The following CFAP54 variants were observed in gnomAD, a reference collection of about 807,000 sequenced individuals.
CFAP54 encodes the protein cilia- and flagella-associated protein 54.
In CFAP54, 290 loss-of-function variants were observed where a neutral mutation model predicts 370.4. The ratio of observed to expected loss-of-function variants is 0.78; its 90% CI spans 0.71 to 0.86. The LOEUF (loss-of-function observed/expected upper bound fraction) is 0.86. CFAP54 is among the 40% of genes least tolerant of loss of function. The pLI is 0.00. For missense variants in CFAP54, 3,399 were observed against 3,528.7 expected, an observed-to-expected ratio of 0.96 and a Z score of 0.93; for synonymous variants, 1,206 against 1,236.5, an observed-to-expected ratio of 0.98 and a Z score of 0.52.
At chr12:96,738,758 G>C (rs898834938) in intron 50 of CFAP54, among the ~76,000 whole-genome samples, 34 of 151,804 alleles carry the variant, frequency 2.2e-4, no homozygotes, top group African/African-American at 6.8e-4. Context: ...CTACAGACGC[G>C]TGCCACCACG....
intron 38 of CFAP54, among the ~76,000 whole-genome samples, chr12:96,660,712 G>C (rs889787067): frequency 6.6e-6 from 1 of 152,178 alleles, no homozygotes; most frequent in African/African-American, 2.4e-5. Context: ...GTCTTTCAAT[G>C]CAATTTCTAT....
intron 66 of CFAP54, among the ~76,000 whole-genome samples, chr12:96,855,865 A>G (rs939104521): frequency 5.9e-5 from 9 of 152,176 alleles, no homozygotes; most frequent in Non-Finnish European, 1.0e-4. Context: ...GGGACTCTGT[A>G]TGGGAGCTCT....
At chr12:96,564,023 T>C (rs745456912) in intron 17 of CFAP54, among the ~76,000 whole-genome samples, 1 of 152,170 alleles carries the variant, frequency 6.6e-6, no homozygotes, top group Non-Finnish European at 1.5e-5. Context: ...AGCTGGAAGA[T>C]AGTGGAGGTC....
In CFAP54 at chr12:96,688,308, A is replaced by T. The variant is rs1035260855; in HGVS notation, c.6015-608A>T. On this transcript the variant is annotated intron_variant, in intron 42 of 67. Coordinates refer to ENST00000524981, the MANE Select transcript of CFAP54 (RefSeq NM_001306084.2). ...AATGTTGTGAATGGCTCCATAATAAACAGCTAGAGAGAAAATACAATGCTT... is the reference window on the plus strand; with the variant it reads ...AATGTTGTGAATGGCTCCATAATAATCAGCTAGAGAGAAAATACAATGCTT... Among the ~76,000 whole-genome samples the T allele has an allele frequency of 5.3e-5, 8 of 152,236 alleles. No individual in the cohort carries two copies. The East Asian group carries it at 1.5e-3, about 29-fold the overall frequency.
intron 66 of CFAP54, among the ~76,000 whole-genome samples, chr12:96,834,257 G>A (rs7138099): frequency 0.063 from 9,586 of 152,306 alleles, 783 homozygotes; most frequent in African/African-American, 0.19. Flanking sequence ...TAGCGGTCAA[G>A]GGAGGCTGTT....
Position 96,644,365 on chromosome 12 carries a change from G to T in CFAP54, c.4504G>T (p.Glu1502Ter). 1 of 1,535,932 alleles carries T rather than the reference G, an allele frequency of 6.5e-7. No individual in the cohort carries two copies. Among genetic ancestry groups the T allele is most frequent in the Non-Finnish European group, 8.7e-7 (1 of 1,146,782 alleles). The change falls in exon 33 of 68, where the codon GAG becomes TAG. Residue 1502 changes from glutamate (E) to a stop codon, truncating the protein, a stop_gained. Coordinates refer to ENST00000524981, the MANE Select transcript of CFAP54 (RefSeq NM_001306084.2). LOFTEE classifies it high-confidence loss of function. ...HFNLVLQKLWECTKMKFGTSH... is the reference protein window; with the variant it reads ...HFNLVLQKLW ...TAACCTGGTTTTACAAAAGCTATGG[G>T]AGTGTACGAAGATGAAATTTGGCAC...
intron 26 of CFAP54, among the ~76,000 whole-genome samples, chr12:96,612,636 G>T (rs1565914195): frequency 2.6e-5 from 4 of 152,172 alleles, no homozygotes; most frequent in African/African-American, 9.6e-5. Context: ...GCTGTATTCA[G>T]GAGACCCATC....
chr12:96,800,718 C>T (rs978844403), intron 63 of CFAP54, among the ~76,000 whole-genome samples: 1 of 152,166 alleles, frequency 6.6e-6, no homozygotes, highest in East Asian at 1.9e-4. Flanking sequence ...GCTCGTGAAA[C>T]CCACAAGATA....
intron 50 of CFAP54, among the ~76,000 whole-genome samples, chr12:96,724,657 T>C (rs1049974619): frequency 2.6e-5 from 4 of 152,218 alleles, no homozygotes; most frequent in African/African-American, 9.6e-5. Flanking sequence ...TTTCTTTTGC[T>C]GTGCAGAAGC....
At chr12:96,736,827 T>C (rs1054090070) in intron 50 of CFAP54, among the ~76,000 whole-genome samples, 1 of 152,166 alleles carries the variant, frequency 6.6e-6, no homozygotes, top group Non-Finnish European at 1.5e-5. Context: ...ATACTAACAC[T>C]ATATGGATAG....
In CFAP54 at chr12:96,784,843, G is replaced by A. The variant is rs955168936; in HGVS notation, c.8408G>A (p.Arg2803His). Reference sequence around the variant, plus strand: ...GATATTACATGGATCCTTCTACTGCGCTACTATATTCACCTTCAGAGGATT... The same window carrying A: ...GATATTACATGGATCCTTCTACTGCACTACTATATTCACCTTCAGAGGATT... The part of the protein sequence containing the change: ...KVDITWILLL[R>H]YYIHLQRINN... Residue 2803 changes from arginine to histidine, a missense_variant, in exon 61 of 68, where the codon CGC becomes CAC. Physicochemically the swap from Arg to His is conservative, Grantham distance 29. This residue lies in a region of CFAP54 where 2,796 missense variants were observed against 2,869.7 expected (regional missense o/e 0.97). Transcript: ENST00000524981. 5.0e-5 allele frequency: 76 copies of A among 1,532,270 alleles called. No individual in the cohort carries two copies. The highest frequency in any genetic ancestry group is 1.7e-4 in the Middle Eastern group (1 of 6,002). The allele number at this position is 1,532,270 out of a possible 1,614,324, so 94.9% of individuals were successfully genotyped here.
Position 96,576,658 on chromosome 12 carries a change from G to T in CFAP54, c.2693G>T (p.Ser898Ile), listed in dbSNP as rs1332538708. ...TATTCCTATCAGAAATATTTGGAAA[G>T]TTCAAAAAGAAAGAAAAGCAGAGTC... ...ALYSYQKYLESSKRKKSRVPP... is the reference protein window; with the variant it reads ...ALYSYQKYLEISKRKKSRVPP... Residue 898 changes from serine (S) to isoleucine (I), a missense_variant, in exon 20 of 68, where the codon AGT (serine) becomes ATT (isoleucine). Transcript: ENST00000524981. 1 of 1,535,522 alleles carries T rather than the reference G, an allele frequency of 6.5e-7. No individual in the cohort carries two copies. The highest frequency in any genetic ancestry group is 8.7e-7 in the Non-Finnish European group (1 of 1,146,496).
intron 67 of CFAP54, among the ~76,000 whole-genome samples, chr12:96,870,715 T>C (rs1457551996): frequency 6.6e-6 from 1 of 152,154 alleles, no homozygotes; most frequent in Non-Finnish European, 1.5e-5. Context: ...TGATAGGAGT[T>C]CATTTCTGGT....
intron 21 of CFAP54, 102 bp from the exon 22 acceptor site, chr12:96,580,818 A>C (rs1956025840): frequency 8.7e-7 from 1 of 1,155,070 alleles, no homozygotes; most frequent in African/African-American, 1.6e-5. Context: ...CAACAATGAA[A>C]GAAAAAGGTT....
At position 96,674,808 on chromosome 12, in the gene CFAP54, G is replaced by T. The variant is rs964467671; in HGVS notation, c.5564-4792G>T. Among the ~76,000 whole-genome samples, 80 of 152,260 alleles carry T rather than the reference G, an allele frequency of 5.3e-4. 1 individual carries two copies. The highest frequency in any genetic ancestry group is 1.9e-3 in the African/African-American group (79 of 41,554). On this transcript the variant is annotated intron_variant, in intron 39 of 67. Coordinates refer to ENST00000524981, the MANE Select transcript of CFAP54 (RefSeq NM_001306084.2). ...TCACTTGTGTCTCCCTTTGGTGCCA[G>T]GCACAGTGCCTAGTACTTGTGAGCA...
At chr12:96,653,284 C>T (rs1309382922) in intron 36 of CFAP54, among the ~76,000 whole-genome samples, 1 of 152,162 alleles carries the variant, frequency 6.6e-6, no homozygotes, top group Non-Finnish European at 1.5e-5. Flanking sequence ...GATTAGGTGG[C>T]CTGTCACAAC....
At chr12:96,739,683 C>G (rs749468663) in intron 50 of CFAP54, among the ~76,000 whole-genome samples, 13 of 152,022 alleles carry the variant, frequency 8.6e-5, no homozygotes, top group Non-Finnish European at 1.6e-4. Flanking sequence ...TTTTTAGTTT[C>G]TATTATGTCT....
intron 1 of CFAP54, among the ~76,000 whole-genome samples, chr12:96,494,397 T>C (rs1954924693): frequency 6.6e-6 from 1 of 151,516 alleles, no homozygotes; most frequent in South Asian, 2.1e-4. Flanking sequence ...GCCTCCGGAG[T>C]TCAAGTGATT....
At chr12:96,610,755 C>T (rs1283256834) in intron 26 of CFAP54, among the ~76,000 whole-genome samples, 1 of 152,218 alleles carries the variant, frequency 6.6e-6, no homozygotes, top group Non-Finnish European at 1.5e-5. Flanking sequence ...GCGCATGGCT[C>T]AGAGGGTCCC....
Sources: allele counts gnomAD v4.1 joint callset (sites outside exome capture counted in the v4.1 genomes callset), GRCh38; gene constraint gnomAD v4.1.1; regional missense constraint gnomAD v4.1.1; transcripts MANE v1.5; gene names NCBI Gene and HGNC (gene_info 2026-07-23, HGNC 2026-07-21).